The following CSTL1 variants were observed in gnomAD, a reference collection of about 807,000 sequenced individuals.
CSTL1 encodes the protein cystatin-like 1.
In CSTL1, 14 loss-of-function variants were observed where a neutral mutation model predicts 14.4. That is an observed-to-expected ratio of 0.97 (90% confidence interval 0.64 to 1.52). The LOEUF (loss-of-function observed/expected upper bound fraction) is 1.52. Among genes scored for constraint, CSTL1 ranks in the 40% most tolerant of loss-of-function variants. CSTL1 has a pLI of 0.00. For missense variants in CSTL1, 170 were observed against 168.7 expected, an observed-to-expected ratio of 1.01 and a Z score of -0.04; for synonymous variants, 72 against 67.5, an observed-to-expected ratio of 1.07 and a Z score of -0.33.
At chr20:23,452,579 C>T in the CSTL1 span, 41 of 1,592,024 alleles carry the variant, frequency 2.6e-5, no homozygotes, top group Non-Finnish European at 3.0e-5. Flanking sequence ...AAGTCATACA[C>T]TCACCTGCCT....
At chr20:23,452,950 C>T in the CSTL1 span, 8 of 643,366 alleles carry the variant, frequency 1.2e-5, no homozygotes, top group African/African-American at 1.5e-4. Flanking sequence ...CTCCTCCTCC[C>T]CCTTCATCAG....
At chr20:23,457,100 G>T in the CSTL1 span, among the ~76,000 whole-genome samples, 3 of 152,120 alleles carry the variant, frequency 2.0e-5, no homozygotes, top group African/African-American at 4.8e-5. Flanking sequence ...TCTCCCTTCC[G>T]GCTGCCGGTT....
chr20:23,444,075 T>C, intron 3 of CSTL1, 31 bp downstream of exon 3: 1 of 1,571,568 alleles, frequency 6.4e-7, no homozygotes. Flanking sequence ...CAAAGGGACT[T>C]GTGAAGTGAA....
At chr20:23,444,097 G>A in intron 3 of CSTL1, 53 bp downstream of exon 3, 2 of 1,522,878 alleles carry the variant, frequency 1.3e-6, no homozygotes, top group Non-Finnish European at 1.8e-6. Context: ...ATTTTAAAAA[G>A]CAACAGCTAG....
the CSTL1 span, chr20:23,452,671 G>A: frequency 1.9e-6 from 3 of 1,613,996 alleles, no homozygotes; most frequent in Non-Finnish European, 2.5e-6. Context: ...TCCACTGCAA[G>A]CTGTCCTTCG....
rs1986791533 is a variant in CSTL1 at position 23,440,187 on chromosome 20, T to C, written c.-81T>C. ...AAGCCTATGTTGGTGAGGGTTATGA[T>C]GGGAGAATGAGTGAACTGCAGCCTG... On this transcript the variant is annotated 5_prime_UTR_variant, in exon 2 of 4. The change abolishes an upstream ATG in the 5' untranslated region. Transcript: ENST00000347397. 1 of 1,440,226 alleles carries C rather than the reference T, an allele frequency of 6.9e-7. No individual in the cohort carries two copies. The highest frequency in any genetic ancestry group is 9.7e-7 in the Non-Finnish European group (1 of 1,029,910). The allele number at this position is 1,440,226 out of a possible 1,614,324, so 89.2% of individuals were successfully genotyped here.
chr20:23,458,398 A>G, the CSTL1 span: 1 of 152,210 alleles, frequency 6.6e-6, no homozygotes, highest in Admixed American at 6.5e-5. Flanking sequence ...CTTAAACTCC[A>G]GTGGCTTTGT....
chr20:23,440,552 T>A (rs1986804106), intron 2 of CSTL1, 66 bp downstream of exon 2: 15 of 1,243,114 alleles, frequency 1.2e-5, no homozygotes, highest in Non-Finnish European at 1.8e-5. Flanking sequence ...ATGTGAGGAT[T>A]CTGGGGTAGC....
intron 2 of CSTL1, 100 bp downstream of exon 2, chr20:23,440,586 C>T (rs766136203): frequency 1.9e-5 from 17 of 891,154 alleles, no homozygotes; most frequent in Non-Finnish European, 2.9e-5. Flanking sequence ...AAGTGGTGGT[C>T]CTCCGTGAGG....
chr20:23,452,616 T>C, the CSTL1 span: 1 of 1,613,692 alleles, frequency 6.2e-7, no homozygotes, highest in South Asian at 1.1e-5. Flanking sequence ...CGGAAGATCC[T>C]GAAGTGGTAC....
chr20:23,458,342 T>G, the CSTL1 span, among the ~76,000 whole-genome samples: 1 of 152,220 alleles, frequency 6.6e-6, no homozygotes, highest in Non-Finnish European at 1.5e-5. Context: ...CTCACATAGA[T>G]GAACATGCTG....
the CSTL1 span, chr20:23,450,355 C>A: frequency 1.6e-5 from 9 of 547,550 alleles, no homozygotes; most frequent in East Asian, 2.7e-4. Flanking sequence ...TTACTATGAG[C>A]TGAAGAATTT....
chr20:23,457,046 T>A, the CSTL1 span, among the ~76,000 whole-genome samples: 1 of 152,188 alleles, frequency 6.6e-6, no homozygotes, highest in Non-Finnish European at 1.5e-5. Flanking sequence ...GATGCGGACA[T>A]CTCGGGTGGG....
the CSTL1 span, among the ~76,000 whole-genome samples, chr20:23,450,122 T>A: frequency 6.6e-6 from 1 of 152,176 alleles, no homozygotes; most frequent in Admixed American, 6.5e-5. Context: ...TACTTGCAAA[T>A]GTCTCTTGGC....
At chr20:23,444,952 ATTACACAT>A, downstream of CSTL1, 1 of 984,940 alleles carries the variant, frequency 1.0e-6, no homozygotes, top group Admixed American at 1.8e-5. Flanking sequence ...TTGGGGTCTT[ATTACACAT>A]GCACACACAC....
intron 2 of CSTL1, among the ~76,000 whole-genome samples, chr20:23,442,047 A>T (rs1224755959): frequency 6.6e-6 from 1 of 152,242 alleles, no homozygotes; most frequent in Non-Finnish European, 1.5e-5. Flanking sequence ...GTTCTTCCAC[A>T]ATTGGTTAAG....
intron 2 of CSTL1, 24 bp downstream of exon 2, chr20:23,440,510 C>T: frequency 2.0e-6 from 3 of 1,530,106 alleles, no homozygotes; most frequent in Non-Finnish European, 2.7e-6. Context: ...TCTCCCAAGA[C>T]ATCAGCAGGC....
the CSTL1 span, chr20:23,450,625 G>A: frequency 4.4e-5 from 67 of 1,527,140 alleles, no homozygotes; most frequent in Middle Eastern, 1.9e-4. Context: ...TTTAAAAGAC[G>A]CCAGGTGAAA....
downstream of CSTL1, among the ~76,000 whole-genome samples, chr20:23,446,505 C>T (rs1180356915): frequency 6.6e-6 from 1 of 152,084 alleles, no homozygotes; most frequent in Non-Finnish European, 1.5e-5. Flanking sequence ...ATCCACCCGC[C>T]TCCGCCTCCC....
Sources: gnomAD v4.1 joint callset for allele counts (sites outside exome capture counted in the v4.1 genomes callset) on GRCh38, gnomAD v4.1.1 for gene constraint, MANE v1.5 for transcripts, NCBI Gene and HGNC (gene_info 2026-07-23, HGNC 2026-07-21) for gene names.